SYT1: variants seen among roughly 807,000 people sequenced by gnomAD.
SYT1 encodes the protein synaptotagmin 1.
In SYT1, 8 loss-of-function variants were observed where a neutral mutation model predicts 44.8. That is an observed-to-expected ratio of 0.18 (90% CI 0.10 to 0.32). SYT1 has a LOEUF of 0.32. SYT1 is among the 10% of genes least tolerant of loss of function. SYT1 has a pLI of 1.00. For missense variants in SYT1, 286 were observed against 509.3 expected, an observed-to-expected ratio of 0.56 and a Z score of 4.22; for synonymous variants, 154 against 188.8, an observed-to-expected ratio of 0.82 and a Z score of 1.51.
intron 4 of SYT1, among the ~76,000 whole-genome samples, chr12:79,263,242 G>T (rs893254977): frequency 7.3e-4 from 107 of 146,178 alleles, no homozygotes; most frequent in African/African-American, 2.4e-3. Flanking sequence ...CTTCTTTGTT[G>T]TTCTTTCTTA....
intron 1 of SYT1, among the ~76,000 whole-genome samples, chr12:78,907,253 A>T (rs1470028465): frequency 6.6e-6 from 1 of 152,076 alleles, no homozygotes; most frequent in African/African-American, 2.4e-5. Context: ...TTAAGTATTC[A>T]TTTATTCTTT....
At chr12:78,960,419 A>C (rs1223479672) in intron 1 of SYT1, 2 of 152,220 alleles carry the variant, frequency 1.3e-5, no homozygotes, top group African/African-American at 4.8e-5. Context: ...TTTCTGACTC[A>C]ATCTTTATCC....
At chr12:79,157,815 C>T (rs1045672394) in intron 3 of SYT1, among the ~76,000 whole-genome samples, 1 of 152,170 alleles carries the variant, frequency 6.6e-6, no homozygotes, top group Non-Finnish European at 1.5e-5. Context: ...CTCCCAACAA[C>T]TTTTCACATG....
chr12:79,449,137 G>A lies in SYT1; in HGVS notation c.*13G>A. ...CGTCAAGAAGTAAAGGAAAGAAGAA[G>A]CCTTTCTGCATTTGCCCATATAGTG... On this transcript the variant is annotated 3_prime_UTR_variant, in exon 11 of 11. Coordinates refer to ENST00000261205, the MANE Select transcript of SYT1 (RefSeq NM_005639.3). 2 of 1,590,116 alleles carry A rather than the reference G, an allele frequency of 1.3e-6. No individual in the cohort carries two copies. The highest frequency in any genetic ancestry group is 1.7e-6 in the Non-Finnish European group (2 of 1,167,442).
At chr12:79,067,041 C>T (rs563948547) in intron 3 of SYT1, among the ~76,000 whole-genome samples, 14 of 152,280 alleles carry the variant, frequency 9.2e-5, no homozygotes, top group African/African-American at 3.1e-4. Context: ...ACGCAGTGTG[C>T]TTTGGGATCA....
chr12:78,987,442 G>A (rs1869717820), intron 2 of SYT1, among the ~76,000 whole-genome samples: 1 of 151,724 alleles, frequency 6.6e-6, no homozygotes, highest in Non-Finnish European at 1.5e-5. Flanking sequence ...CAAGATGTGG[G>A]GGAAAAAAAG....
At chr12:79,037,277 C>T (rs1297979877) in intron 2 of SYT1, among the ~76,000 whole-genome samples, 1 of 151,574 alleles carries the variant, frequency 6.6e-6, no homozygotes, top group Non-Finnish European at 1.5e-5. Flanking sequence ...TTAATTAATT[C>T]CCATCCTTTT....
At chr12:79,279,962 A>G (rs1878956679) in intron 4 of SYT1, among the ~76,000 whole-genome samples, 1 of 152,180 alleles carries the variant, frequency 6.6e-6, no homozygotes, top group Non-Finnish European at 1.5e-5. Flanking sequence ...TACAAGGAGA[A>G]CTACAAAACA....
At chr12:79,323,191 C>T (rs925694405) in intron 8 of SYT1, among the ~76,000 whole-genome samples, 2 of 151,568 alleles carry the variant, frequency 1.3e-5, no homozygotes, top group South Asian at 2.1e-4. Flanking sequence ...ATACTCTCTA[C>T]AATTACTTTG....
In SYT1 at chr12:78,952,619, A is replaced by G. The variant is rs181738988; in HGVS notation, c.-216-25180A>G. On this transcript the variant is annotated intron_variant, in intron 1 of 10. Coordinates refer to ENST00000261205, the MANE Select transcript of SYT1 (RefSeq NM_005639.3). ...ATAGGTAATTCTGGAATATTCCTAG[A>G]CTACAGTTTTGTCATGTTTTAGGTC... Among the ~76,000 whole-genome samples the G allele has an allele frequency of 4.3e-4, 66 of 152,266 alleles. No individual in the cohort carries two copies. The East Asian group carries it at 0.012, about 27-fold the overall frequency.
rs750703876 is a variant in SYT1, at chr12:79,449,277, T to A, written c.*153T>A. 6 of 822,664 alleles carry A rather than the reference T, an allele frequency of 7.3e-6. No individual in the cohort carries two copies. Among genetic ancestry groups the A allele is most frequent in the Non-Finnish European group, 9.4e-6 (5 of 534,554 alleles). 51.0% of individuals were successfully genotyped at this position (822,664 alleles called of 1,614,324 possible). On this transcript the variant is annotated 3_prime_UTR_variant, in exon 11 of 11. Transcript: ENST00000261205. ...GAATCCTGTTTTAATTTGCACAAAT[T>A]TAAATGTAGAGAGCCCCTAAGTCCT...
chr12:79,349,033 A>AAGAAAGAAAGAAAGAAAGAAAGAGAAAG (rs1367804411), intron 8 of SYT1, among the ~76,000 whole-genome samples: 11 of 120,284 alleles, frequency 9.1e-5, no homozygotes, highest in South Asian at 2.8e-4. Flanking sequence ...GAAAGAAAGA[A>AAGAAAGAAAGAAAGAAAGAAAGAGAAAG]AAAGAAAGAA....
chr12:79,048,138 A>G lies in SYT1; in HGVS notation c.-18+776A>G, dbSNP rs182544602. ...TTTTTGAAACTGCATTTGAAATTGC[A>G]TTTCAAACTCAATGTTTCAAAAGTT... On this transcript the variant is annotated intron_variant, in intron 3 of 10. Transcript: ENST00000261205. Among the ~76,000 whole-genome samples the G allele has an allele frequency of 2.8e-3, 418 of 151,986 alleles. 4 individuals carry two copies. Among genetic ancestry groups the G allele is most frequent in the African/African-American group, 9.0e-3 (372 of 41,548 alleles).
chr12:79,099,333 C>T (rs1878317682), intron 3 of SYT1, among the ~76,000 whole-genome samples: 1 of 152,024 alleles, frequency 6.6e-6, no homozygotes. Context: ...AACGTTTTGT[C>T]TAAACATTAT....
At position 79,271,268 on chromosome 12, in the gene SYT1, T is replaced by A. The variant is rs190351557; in HGVS notation, c.167-14519T>A. Among the ~76,000 whole-genome samples the A allele has an allele frequency of 2.4e-3, 368 of 152,272 alleles. 3 individuals carry two copies. The highest frequency in any genetic ancestry group is 8.1e-3 in the African/African-American group (338 of 41,570). Reference sequence around the variant, plus strand: ...AGGACTCCTTAAGTAAATAATTTTTTAAAAAATTTATTTAGTGCCAAAACT... The same window carrying A: ...AGGACTCCTTAAGTAAATAATTTTTAAAAAAATTTATTTAGTGCCAAAACT... On this transcript the variant is annotated intron_variant, in intron 4 of 10. Transcript: ENST00000261205.
chr12:78,991,360 A>G (rs945181833), intron 2 of SYT1, among the ~76,000 whole-genome samples: 1 of 152,100 alleles, frequency 6.6e-6, no homozygotes, highest in African/African-American at 2.4e-5. Context: ...TATATTTTAT[A>G]TTAAGCTTGT....
chr12:79,053,599 ATAT>A lies in SYT1; in HGVS notation c.-18+6239_-18+6241del, dbSNP rs200653385. Among the ~76,000 whole-genome samples, 422 of 142,618 alleles carry A rather than the reference ATAT, an allele frequency of 3.0e-3. 1 individual carries two copies. Among genetic ancestry groups the A allele is most frequent in the African/African-American group, 9.9e-3 (398 of 40,314 alleles). The allele number at this position is 142,618 out of a possible 152,430, so 93.6% of individuals were successfully genotyped here. On this transcript the variant is annotated intron_variant, in intron 3 of 10. Coordinates refer to ENST00000261205, the MANE Select transcript of SYT1 (RefSeq NM_005639.3). ...TAACTTTAATTAAAATTATTTTATA[ATAT>A]TGACAATTATTTAAAATATATATCA...
chr12:79,078,781 A>T (rs1876833560), intron 3 of SYT1, among the ~76,000 whole-genome samples: 1 of 152,140 alleles, frequency 6.6e-6, no homozygotes, highest in Non-Finnish European at 1.5e-5. Context: ...AGAATACATC[A>T]GTTTGTGTAT....
intron 9 of SYT1, among the ~76,000 whole-genome samples, chr12:79,358,945 A>G (rs948611261): frequency 6.6e-6 from 1 of 152,182 alleles, no homozygotes; most frequent in Non-Finnish European, 1.5e-5. Flanking sequence ...CAGAACCACA[A>G]ATTGATTTTC....
Sources: allele counts gnomAD v4.1 joint callset (sites outside exome capture counted in the v4.1 genomes callset), GRCh38; gene constraint gnomAD v4.1.1; transcripts MANE v1.5; gene names NCBI Gene and HGNC (gene_info 2026-07-23, HGNC 2026-07-21).